The following FER variants were observed in gnomAD, a reference collection of about 807,000 sequenced individuals.
FER encodes the protein FER tyrosine kinase.
In FER, 63 loss-of-function variants were observed where a neutral mutation model predicts 111.0. The ratio of observed to expected loss-of-function variants is 0.57; its 90% CI spans 0.46 to 0.70. The LOEUF (loss-of-function observed/expected upper bound fraction) is 0.70, where lower values mean the gene tolerates loss of function less well. Among genes scored for constraint, FER ranks in the 30% least tolerant of loss-of-function variants. FER has a pLI of 0.00. For missense variants in FER, 914 were observed against 954.0 expected, an observed-to-expected ratio of 0.96 and a Z score of 0.55; for synonymous variants, 327 against 313.9, an observed-to-expected ratio of 1.04 and a Z score of -0.44.
chr5:109,052,016 G>T, intron 16 of FER: 1 of 1,588,580 alleles, frequency 6.3e-7, no homozygotes, highest in Non-Finnish European at 8.6e-7. Context: ...AACCCCCCTT[G>T]CATTTTCACC....
chr5:109,196,139 T>C lies in FER; in HGVS notation c.*8564T>C, dbSNP rs1279085548. ...AAGCAAATTGAAAGCCAAGACAAAATGTACAAATGGTGCCCATGCCATTCA... is the reference window on the plus strand; with the variant it reads ...AAGCAAATTGAAAGCCAAGACAAAACGTACAAATGGTGCCCATGCCATTCA... On this transcript the variant is annotated 3_prime_UTR_variant, in exon 20 of 20. Transcript: ENST00000281092. The C allele has an allele frequency of 6.6e-6, 1 of 152,198 alleles. No homozygotes were observed. The highest frequency in any genetic ancestry group is 6.5e-5 in the Admixed American group (1 of 15,272). The allele number at this position is 152,198 out of a possible 1,614,324, so 9.4% of individuals were successfully genotyped here. A position where few individuals can be genotyped will look rare whatever the true frequency, so the allele number is the denominator to read the frequency against.
At chr5:108,860,822 G>C (rs1365591731) in intron 5 of FER, among the ~76,000 whole-genome samples, 1 of 152,164 alleles carries the variant, frequency 6.6e-6, no homozygotes, top group Non-Finnish European at 1.5e-5. Context: ...GTTCCACATT[G>C]CTGGGGAGGC....
At chr5:108,770,203 G>A (rs952225232) in intron 2 of FER, among the ~76,000 whole-genome samples, 17 of 152,100 alleles carry the variant, frequency 1.1e-4, no homozygotes, top group African/African-American at 3.9e-4. Context: ...CCACCTTGGT[G>A]TCCCAAAGTG....
intron 10 of FER, among the ~76,000 whole-genome samples, chr5:108,900,748 C>T (rs779730142): frequency 6.6e-6 from 1 of 152,088 alleles, no homozygotes; most frequent in Non-Finnish European, 1.5e-5. Context: ...TGAAATGTGC[C>T]ATGCATTGGG....
At chr5:108,980,803 C>G (rs1761940035) in intron 13 of FER, among the ~76,000 whole-genome samples, 1 of 151,876 alleles carries the variant, frequency 6.6e-6, no homozygotes, top group South Asian at 2.1e-4. Flanking sequence ...TGGGTCTGAC[C>G]CTATTACTGA....
intron 13 of FER, among the ~76,000 whole-genome samples, chr5:108,975,692 A>G (rs1761244414): frequency 6.6e-6 from 1 of 152,204 alleles, no homozygotes; most frequent in South Asian, 2.1e-4. Flanking sequence ...TAGAAGTGAC[A>G]ATGAGATGTA....
intron 10 of FER, among the ~76,000 whole-genome samples, chr5:108,922,775 C>G (rs1348636795): frequency 2.0e-5 from 3 of 152,026 alleles, no homozygotes; most frequent in African/African-American, 7.2e-5. Context: ...AAACTATACG[C>G]ATTGTTTACT....
chr5:108,880,441 T>C (rs1289797778), intron 8 of FER, among the ~76,000 whole-genome samples: 1 of 152,170 alleles, frequency 6.6e-6, no homozygotes, highest in Non-Finnish European at 1.5e-5. Flanking sequence ...TAAACTTTCA[T>C]TTGAATTAAA....
intron 16 of FER, among the ~76,000 whole-genome samples, chr5:109,063,093 A>G (rs988726904): frequency 1.3e-5 from 2 of 150,496 alleles, no homozygotes. Context: ...AGAAATCTAG[A>G]CATGATTATT....
In FER at chr5:108,871,542, A is replaced by G. The variant is rs200644812; in HGVS notation, c.803+40A>G. On this transcript the variant is annotated intron_variant, in intron 7 of 19. Coordinates refer to ENST00000281092, the MANE Select transcript of FER (RefSeq NM_005246.4). Reference sequence around the variant, plus strand: ...TTCCTCTTTAAGGATTTATGACAGTATTATTTTTCATTCATACAATAGTTA... The same window carrying G: ...TTCCTCTTTAAGGATTTATGACAGTGTTATTTTTCATTCATACAATAGTTA... 1,602 of 1,454,834 alleles carry G rather than the reference A, an allele frequency of 1.1e-3. 15 individuals carry two copies. Among genetic ancestry groups the G allele is most frequent in the South Asian group, 8.6e-3 (600 of 69,870 alleles). The allele number at this position is 1,454,834 out of a possible 1,614,324, so 90.1% of individuals were successfully genotyped here.
chr5:108,805,650 C>T lies in FER; in HGVS notation c.207+7261C>T, dbSNP rs556569466. Among the ~76,000 whole-genome samples the T allele has an allele frequency of 7.9e-5, 12 of 152,228 alleles. No individual in the cohort carries two copies. In the East Asian group the frequency reaches 9.7e-4, roughly 12 times the overall value. On this transcript the variant is annotated intron_variant, in intron 3 of 19. Coordinates refer to ENST00000281092, the MANE Select transcript of FER (RefSeq NM_005246.4). ...TAGAGATGAGGAACTTGTTGTGAAC[C>T]GGAGCACAGGTGACTCTTGTTTTGT...
At chr5:108,916,771 G>A (rs1752326334) in intron 10 of FER, among the ~76,000 whole-genome samples, 3 of 152,060 alleles carry the variant, frequency 2.0e-5, no homozygotes, top group African/African-American at 7.2e-5. Context: ...TGGGTTGGAT[G>A]GCATAAGATG....
intron 17 of FER, among the ~76,000 whole-genome samples, chr5:109,128,404 A>G (rs967594803): frequency 2.0e-5 from 3 of 152,164 alleles, no homozygotes; most frequent in Non-Finnish European, 2.9e-5. Context: ...TCTTCTAAGT[A>G]AGTCATTCAC....
At chr5:109,157,895 A>G (rs1225436220) in intron 17 of FER, among the ~76,000 whole-genome samples, 1 of 152,152 alleles carries the variant, frequency 6.6e-6, no homozygotes, top group Non-Finnish European at 1.5e-5. Context: ...CATTTGAGAC[A>G]GAGTCAGACA....
At chr5:109,151,202 G>T (rs1754807709) in intron 17 of FER, among the ~76,000 whole-genome samples, 1 of 151,942 alleles carries the variant, frequency 6.6e-6, no homozygotes, top group Non-Finnish European at 1.5e-5. Flanking sequence ...ATCCATTTTT[G>T]AGTATTAGAG....
At chr5:108,836,314 TCAAA>T (rs1021319927) in intron 5 of FER, among the ~76,000 whole-genome samples, 1 of 152,116 alleles carries the variant, frequency 6.6e-6, no homozygotes, top group Admixed American at 6.5e-5. Context: ...TATTTATGTT[TCAAA>T]CAGAGATTTA....
Position 109,127,753 on chromosome 5 carries a change from A to G in FER, c.2048+27234A>G, listed in dbSNP as rs1457835019. Among the ~76,000 whole-genome samples the G allele has an allele frequency of 2.6e-5, 4 of 152,132 alleles. No individual in the cohort carries two copies. The East Asian group carries it at 7.7e-4, about 29-fold the overall frequency. ...AAAAATATTACTAATTAACTATATT[A>G]GGAGTCATTAAAAATGAAAATATTT... is the stretch of plus-strand genomic sequence containing the variant. On this transcript the variant is annotated intron_variant, in intron 17 of 19. Coordinates refer to ENST00000281092, the MANE Select transcript of FER (RefSeq NM_005246.4).
In FER at chr5:108,880,739, G is replaced by A. The variant is rs1028556554; in HGVS notation, c.924-2657G>A. Among the ~76,000 whole-genome samples, 8 of 151,874 alleles carry A rather than the reference G, an allele frequency of 5.3e-5. 1 individual carries two copies. In the South Asian group the frequency reaches 1.7e-3, roughly 32 times the overall value. On this transcript the variant is annotated intron_variant, in intron 8 of 19. Transcript: ENST00000281092. Reference sequence around the variant, plus strand: ...AAATGTCTTATGAATATATATATATGATTAAAGAAAAATGTTCAATCTGAC... The same window carrying A: ...AAATGTCTTATGAATATATATATATAATTAAAGAAAAATGTTCAATCTGAC...
intron 13 of FER, among the ~76,000 whole-genome samples, chr5:109,025,212 G>C (rs1158623967): frequency 1.3e-5 from 2 of 152,016 alleles, no homozygotes; most frequent in African/African-American, 2.4e-5. Context: ...ACCTTGGGCA[G>C]TATGGCCATT....
Sources: gnomAD v4.1 joint callset for allele counts (sites outside exome capture counted in the v4.1 genomes callset) on GRCh38, gnomAD v4.1.1 for gene constraint, MANE v1.5 for transcripts, NCBI Gene and HGNC (gene_info 2026-07-23, HGNC 2026-07-21) for gene names.